The following PLEKHA7 variants were observed in gnomAD, a reference collection of about 807,000 sequenced individuals.
PLEKHA7 encodes the protein pleckstrin homology domain containing A7.
In PLEKHA7, 104 loss-of-function variants were observed where a neutral mutation model predicts 170.0. The ratio of observed to expected loss-of-function variants is 0.61; its 90% CI spans 0.52 to 0.72. The LOEUF (loss-of-function observed/expected upper bound fraction) is 0.72, where lower values mean the gene tolerates loss of function less well. Among genes scored for constraint, PLEKHA7 ranks in the 30% least tolerant of loss-of-function variants. PLEKHA7 has a pLI of 0.00. For synonymous variants in PLEKHA7, 648 were observed against 660.8 expected, an observed-to-expected ratio of 0.98 and a Z score of 0.30; for missense variants, 1,615 against 1,671.7, an observed-to-expected ratio of 0.97 and a Z score of 0.59.
intron 3 of PLEKHA7, among the ~76,000 whole-genome samples, chr11:16,962,621 C>G (rs1862134561): frequency 6.6e-6 from 1 of 152,144 alleles, no homozygotes; most frequent in Admixed American, 6.5e-5. Context: ...CCACCATGCC[C>G]AGCTAATTTT....
At chr11:16,906,894 C>G (rs6486319) in intron 3 of PLEKHA7, among the ~76,000 whole-genome samples, 15,582 of 101,312 alleles carry the variant, frequency 0.15, 1,405 homozygotes, top group African/African-American at 0.37. Context: ...GTCTCTGCCA[C>G]GCCGCCCATC....
chr11:16,794,759 C>T (rs537485451), intron 18 of PLEKHA7, 45 bp from the exon 19 acceptor site: 6 of 1,590,840 alleles, frequency 3.8e-6, no homozygotes, highest in Non-Finnish European at 5.2e-6. Flanking sequence ...GAACAAAGAC[C>T]CCCTTCCTTG....
At chr11:16,981,437 C>CG (rs1863420210) in intron 3 of PLEKHA7, among the ~76,000 whole-genome samples, 1 of 152,152 alleles carries the variant, frequency 6.6e-6, no homozygotes, top group Non-Finnish European at 1.5e-5. Flanking sequence ...CCCTGGTCCA[C>CG]GGAAGAGAAG....
At chr11:16,810,825 AT>A (rs1849320852) in intron 13 of PLEKHA7, among the ~76,000 whole-genome samples, 1 of 152,188 alleles carries the variant, frequency 6.6e-6, no homozygotes, top group African/African-American at 2.4e-5. Flanking sequence ...GGGCAAGGTG[AT>A]GAAGGGCTTT....
Position 16,801,660 on chromosome 11 carries a change from C to T in PLEKHA7, c.2307+8G>A, listed in dbSNP as rs1454801079. ...CTGAGGGAGACAGGTCTGCCACCCTCTACGCACAGTGGACTCTCTGGAGAG... is the reference window on the plus strand; with the variant it reads ...CTGAGGGAGACAGGTCTGCCACCCTTTACGCACAGTGGACTCTCTGGAGAG... On this transcript the variant is annotated splice_region_variant and intron_variant, in intron 16 of 26. Transcript: ENST00000531066. The T allele has an allele frequency of 6.2e-7, 1 of 1,614,068 alleles. No individual in the cohort carries two copies. Among genetic ancestry groups the T allele is most frequent in the Admixed American group, 1.7e-5 (1 of 60,022 alleles).
chr11:16,979,827 T>C (rs1863311853), intron 3 of PLEKHA7, among the ~76,000 whole-genome samples: 1 of 152,180 alleles, frequency 6.6e-6, no homozygotes, highest in South Asian at 2.1e-4. Flanking sequence ...TTTGGCTATC[T>C]AGTGACTGAT....
At chr11:16,826,981 C>T (rs1343822251) in intron 9 of PLEKHA7, among the ~76,000 whole-genome samples, 2 of 152,204 alleles carry the variant, frequency 1.3e-5, no homozygotes, top group East Asian at 1.9e-4. Context: ...GGAATAGGCA[C>T]TCCGTAACTA....
chr11:16,957,071 C>T (rs1452837420), intron 3 of PLEKHA7, among the ~76,000 whole-genome samples: 1 of 152,154 alleles, frequency 6.6e-6, no homozygotes, highest in South Asian at 2.1e-4. Flanking sequence ...AGGTAAGCAA[C>T]AGGGAGCCCA....
intron 3 of PLEKHA7, among the ~76,000 whole-genome samples, chr11:16,965,428 T>C (rs1862314351): frequency 6.6e-6 from 1 of 152,170 alleles, no homozygotes; most frequent in Admixed American, 6.5e-5. Flanking sequence ...ATGAGAAAGA[T>C]ATCTGGGGGA....
rs35109048 is a variant in PLEKHA7, at chr11:16,913,658, G to A, written c.222-42476C>T. Among the ~76,000 whole-genome samples, 8 of 152,270 alleles carry A rather than the reference G, an allele frequency of 5.3e-5. No homozygotes were observed. The East Asian group carries it at 1.5e-3, about 29-fold the overall frequency. ...ATTCACAGATGAACTTCCTGACAGA[G>A]AGAGAAGCACTGGAAAGGCTGACCC... On this transcript the variant is annotated intron_variant, in intron 3 of 26. Transcript: ENST00000531066.
At chr11:16,950,676 T>G (rs1861352047) in intron 3 of PLEKHA7, among the ~76,000 whole-genome samples, 3 of 152,088 alleles carry the variant, frequency 2.0e-5, no homozygotes, top group Non-Finnish European at 4.4e-5. Context: ...TTAGCCACAT[T>G]CCCTCCACCT....
At chr11:16,782,961 G>C in intron 25 of PLEKHA7, 65 bp from the exon 26 acceptor site, 1 of 1,494,004 alleles carries the variant, frequency 6.7e-7, no homozygotes, top group Non-Finnish European at 9.0e-7. Flanking sequence ...AGGAGTGGAG[G>C]GTCTCCCTGG....
intron 3 of PLEKHA7, among the ~76,000 whole-genome samples, chr11:16,928,162 A>C (rs1859692929): frequency 6.6e-6 from 1 of 152,134 alleles, no homozygotes; most frequent in Non-Finnish European, 1.5e-5. Context: ...TAACATTAAA[A>C]CAGAATGTGA....
At chr11:16,807,052 G>T in intron 13 of PLEKHA7, 1 of 536,364 alleles carries the variant, frequency 1.9e-6, no homozygotes, top group Non-Finnish European at 2.4e-6. Flanking sequence ...GGGGCGGTCA[G>T]GAGAGCAACT....
chr11:16,911,825 A>G (rs571648693), intron 3 of PLEKHA7, among the ~76,000 whole-genome samples: 2 of 152,278 alleles, frequency 1.3e-5, no homozygotes, highest in Non-Finnish European at 2.9e-5. Flanking sequence ...TGATGAATCA[A>G]ATAGAGACAC....
chr11:16,999,999 G>A (rs1435791722), intron 3 of PLEKHA7, among the ~76,000 whole-genome samples: 1 of 152,180 alleles, frequency 6.6e-6, no homozygotes, highest in Non-Finnish European at 1.5e-5. Context: ...ATACTCACAT[G>A]TGGGAATCCT....
intron 26 of PLEKHA7, among the ~76,000 whole-genome samples, chr11:16,782,386 C>T (rs946386588): frequency 1.6e-4 from 24 of 152,156 alleles, no homozygotes; most frequent in Non-Finnish European, 2.4e-4. Flanking sequence ...ACTTTCCTGC[C>T]CCCTTCTTCA....
chr11:16,976,166 G>A (rs991033852), intron 3 of PLEKHA7, among the ~76,000 whole-genome samples: 4 of 152,252 alleles, frequency 2.6e-5, no homozygotes, highest in Non-Finnish European at 5.9e-5. Flanking sequence ...CAGGGTATTT[G>A]GCATTCTAGA....
chr11:16,878,761 T>C (rs1855495408), intron 3 of PLEKHA7, among the ~76,000 whole-genome samples: 1 of 152,172 alleles, frequency 6.6e-6, no homozygotes, highest in Non-Finnish European at 1.5e-5. Flanking sequence ...CACGCCCAGC[T>C]AATTTTGCCT....
Sources: allele counts gnomAD v4.1 joint callset (sites outside exome capture counted in the v4.1 genomes callset), GRCh38; gene constraint gnomAD v4.1.1; transcripts MANE v1.5; gene names NCBI Gene and HGNC (gene_info 2026-07-23, HGNC 2026-07-21).